Variants in PPP1R12A observed in about 807,000 individuals in gnomAD.
PPP1R12A encodes the protein myosin binding subunit.
In PPP1R12A, 19 loss-of-function variants were observed where a neutral mutation model predicts 139.6. The ratio of observed to expected loss-of-function variants is 0.14; its 90% CI spans 0.09 to 0.20. The LOEUF is 0.20. PPP1R12A is among the 10% of genes least tolerant of loss of function. The pLI, the probability that PPP1R12A is intolerant of heterozygous loss-of-function variation, is 1.00. For missense variants in PPP1R12A, 925 were observed against 1,211.5 expected, an observed-to-expected ratio of 0.76 and a Z score of 3.51; for synonymous variants, 427 against 420.6, an observed-to-expected ratio of 1.02 and a Z score of -0.19.
intron 2 of PPP1R12A, among the ~76,000 whole-genome samples, chr12:79,852,045 G>A (rs903309465): frequency 1.3e-5 from 2 of 152,060 alleles, no homozygotes; most frequent in Non-Finnish European, 1.5e-5. Context: ...ATAATTGCTT[G>A]TTGAAGCATT....
At position 79,817,474 on chromosome 12, in the gene PPP1R12A, T is replaced by TAGAAGTGTTGGCATTAGTTAC. The variant is rs1565757008; in HGVS notation, c.1138_1158dup (p.Val380_Ser386dup). The stretch of plus-strand genomic sequence containing the variant: ...ACAGCTACAGGAGCTGCTTGTGTAC[T>TAGAAGTGTTGGCATTAGTTAC]AGAAGTGTTGGCATTAGTTACAGAA... On this transcript the variant is annotated inframe_insertion, in exon 9 of 25. Transcript: ENST00000450142. 1.2e-6 allele frequency: 2 copies of TAGAAGTGTTGGCATTAGTTAC among 1,606,498 alleles called. No individual in the cohort carries two copies. The highest frequency in any genetic ancestry group is 4.5e-5 in the East Asian group (2 of 44,656).
Position 79,840,906 on chromosome 12 carries a change from T to C in PPP1R12A, c.487+4396A>G, listed in dbSNP as rs114766901. On this transcript the variant is annotated intron_variant, in intron 3 of 24. Transcript: ENST00000450142. ...TATCCAATGTCTACAAAAATAGATA[T>C]CCTTCACTATCTGGCTCTGACCTAT... is the stretch of plus-strand genomic sequence containing the variant. Among the ~76,000 whole-genome samples the C allele has an allele frequency of 5.8e-3, 880 of 152,254 alleles. 8 individuals carry two copies. The highest frequency in any genetic ancestry group is 0.02 in the African/African-American group (846 of 41,562).
chr12:79,840,994 G>C (rs1287770371), intron 3 of PPP1R12A, among the ~76,000 whole-genome samples: 1 of 149,372 alleles, frequency 6.7e-6, no homozygotes, highest in African/African-American at 2.5e-5. Context: ...CAGTCCCAAT[G>C]AATGTGTCTG....
chr12:79,812,300 T>G (rs954201928), intron 9 of PPP1R12A, among the ~76,000 whole-genome samples: 2 of 151,976 alleles, frequency 1.3e-5, no homozygotes, highest in Non-Finnish European at 2.9e-5. Flanking sequence ...TCCATTAAAC[T>G]CTCTTCTTTG....
intron 12 of PPP1R12A, 88 bp from the exon 13 acceptor site, chr12:79,806,421 GAAAAA>G: frequency 3.1e-6 from 4 of 1,272,032 alleles, no homozygotes; most frequent in Non-Finnish European, 4.3e-6. Context: ...TACAAGGCTA[GAAAAA>G]AAATTTAAAA....
intron 5 of PPP1R12A, among the ~76,000 whole-genome samples, chr12:79,824,284 G>A (rs1876496370): frequency 6.6e-6 from 1 of 152,118 alleles, no homozygotes; most frequent in Admixed American, 6.6e-5. Context: ...TGTAAAGTGT[G>A]TTTAAGATTA....
intron 9 of PPP1R12A, among the ~76,000 whole-genome samples, chr12:79,816,889 A>C (rs542771834): frequency 3.3e-5 from 5 of 152,318 alleles, no homozygotes; most frequent in Non-Finnish European, 5.9e-5. Flanking sequence ...GCTCCTACTG[A>C]CATACCAAAG....
At chr12:79,796,208 A>G (rs1872493995) in intron 17 of PPP1R12A, among the ~76,000 whole-genome samples, 1 of 152,178 alleles carries the variant, frequency 6.6e-6, no homozygotes, top group African/African-American at 2.4e-5. Context: ...TGAAATGCCT[A>G]TATTTAGTAC....
chr12:79,917,205 G>A (rs996210952), intron 1 of PPP1R12A, among the ~76,000 whole-genome samples: 3 of 152,128 alleles, frequency 2.0e-5, no homozygotes, highest in Admixed American at 6.5e-5. Context: ...TAAGAGTTTA[G>A]GCCGGGCACA....
intron 1 of PPP1R12A, among the ~76,000 whole-genome samples, chr12:79,896,967 G>A (rs967735880): frequency 1.3e-5 from 2 of 152,182 alleles, no homozygotes; most frequent in African/African-American, 4.8e-5. Context: ...TGGAGATTAA[G>A]AGAATAAGTT....
chr12:79,907,228 T>C (rs969383649), intron 1 of PPP1R12A, among the ~76,000 whole-genome samples: 3 of 152,160 alleles, frequency 2.0e-5, no homozygotes, highest in Admixed American at 6.5e-5. Context: ...ACCCTAAGAT[T>C]ATTAAGAACA....
At chr12:79,825,359 T>C (rs1472443330) in intron 5 of PPP1R12A, 1 of 152,076 alleles carries the variant, frequency 6.6e-6, no homozygotes, top group Non-Finnish European at 1.5e-5. Context: ...CTAGTCAATA[T>C]TTAAAGAAAG....
intron 2 of PPP1R12A, among the ~76,000 whole-genome samples, chr12:79,863,847 T>C (rs897168714): frequency 2.6e-5 from 4 of 152,054 alleles, no homozygotes; most frequent in South Asian, 2.1e-4. Flanking sequence ...AGCAAGTTCT[T>C]AGAGACCTAC....
At chr12:79,800,161 A>C (rs894209858) in intron 14 of PPP1R12A, among the ~76,000 whole-genome samples, 1 of 152,184 alleles carries the variant, frequency 6.6e-6, no homozygotes, top group Non-Finnish European at 1.5e-5. Flanking sequence ...CTCAGAGAAC[A>C]CTTATAGAAC....
Position 79,819,696 on chromosome 12 carries a change from CTTTGGGAGGCTGA to C in PPP1R12A, c.1114+1065_1114+1077del, listed in dbSNP as rs1333836184. On this transcript the variant is annotated intron_variant, in intron 8 of 24. Coordinates refer to ENST00000450142, the MANE Select transcript of PPP1R12A (RefSeq NM_002480.3). ...ATGGCTCATGCCTGTAATCCCAGCA[CTTTGGGAGGCTGA>C]GGTGGGAGAATTGCTTGAGGACAGG... Among the ~76,000 whole-genome samples, 5 of 152,204 alleles carry C rather than the reference CTTTGGGAGGCTGA, an allele frequency of 3.3e-5. No homozygotes were observed. In the East Asian group the frequency reaches 7.7e-4, roughly 24 times the overall value.
chr12:79,862,577 G>A (rs1881465890), intron 2 of PPP1R12A, among the ~76,000 whole-genome samples: 1 of 152,142 alleles, frequency 6.6e-6, no homozygotes, highest in South Asian at 2.1e-4. Flanking sequence ...TTGAAAAAAG[G>A]TTAGACAAAT....
intron 1 of PPP1R12A, among the ~76,000 whole-genome samples, chr12:79,903,272 G>A (rs890574279): frequency 1.2e-4 from 18 of 152,074 alleles, no homozygotes; most frequent in Non-Finnish European, 2.5e-4. Flanking sequence ...CCAACATTGT[G>A]AAACCCCATC....
At chr12:79,785,998 C>G (rs2077423) in intron 22 of PPP1R12A, among the ~76,000 whole-genome samples, 6,147 of 152,148 alleles carry the variant, frequency 0.04, 437 homozygotes, top group East Asian at 0.29. Context: ...TATAAAATAA[C>G]CTTTACTTGA....
At chr12:79,830,630 CT>C in intron 4 of PPP1R12A, among the ~76,000 whole-genome samples, 1 of 152,284 alleles carries the variant, frequency 6.6e-6, no homozygotes, top group Middle Eastern at 3.4e-3. Context: ...ATGTTTTGAT[CT>C]TTGCCACTCG....
Sources: gnomAD v4.1 joint callset for allele counts (sites outside exome capture counted in the v4.1 genomes callset) on GRCh38, gnomAD v4.1.1 for gene constraint, MANE v1.5 for transcripts, NCBI Gene and HGNC (gene_info 2026-07-23, HGNC 2026-07-21) for gene names.